STXBP4: variants seen among roughly 807,000 people sequenced by gnomAD.
STXBP4 encodes syntaxin binding protein 4, also known as syntaxin-binding protein 4.
STXBP4 carries 55 observed loss-of-function variants against 76.1 expected under a neutral mutation model. That is an observed-to-expected ratio of 0.72 (90% CI 0.58 to 0.91). STXBP4 has a LOEUF of 0.91. Among genes scored for constraint, STXBP4 ranks in the 40% least tolerant of loss-of-function variants. The pLI is 0.00. For missense variants in STXBP4, 618 were observed against 636.9 expected, an observed-to-expected ratio of 0.97 and a Z score of 0.32; for synonymous variants, 201 against 220.2, an observed-to-expected ratio of 0.91 and a Z score of 0.77.
chr17:55,108,870 T>A (rs2079672874), intron 16 of STXBP4, among the ~76,000 whole-genome samples: 2 of 152,198 alleles, frequency 1.3e-5, no homozygotes, highest in South Asian at 4.1e-4. Flanking sequence ...TTGCCAGCCA[T>A]CAGTTGTGAA....
chr17:54,980,145 C>T (rs1328630054), intron 1 of STXBP4, among the ~76,000 whole-genome samples: 1 of 151,892 alleles, frequency 6.6e-6, no homozygotes, highest in Non-Finnish European at 1.5e-5. Context: ...TCTTCCACTG[C>T]TTTATTAGTA....
rs192226243 is a variant in STXBP4 at position 54,996,864 on chromosome 17, A to G, written c.181-2481A>G. Among the ~76,000 whole-genome samples, 172 of 152,378 alleles carry G rather than the reference A, an allele frequency of 1.1e-3. 2 individuals are homozygous for G. Among genetic ancestry groups the G allele is most frequent in the Non-Finnish European group, 4.1e-4 (28 of 68,040 alleles). The stretch of plus-strand genomic sequence containing the variant: ...ATTGAAATGTATTATTTAGAAAACT[A>G]TATACCAAAGTCAATATAGAAATGA... On this transcript the variant is annotated intron_variant, in intron 4 of 17. Coordinates refer to ENST00000376352, the MANE Select transcript of STXBP4 (RefSeq NM_178509.6).
chr17:54,998,000 T>C (rs969029818), intron 4 of STXBP4, among the ~76,000 whole-genome samples: 3 of 152,176 alleles, frequency 2.0e-5, no homozygotes, highest in Non-Finnish European at 4.4e-5. Context: ...TTTTACACAC[T>C]ATTTGAGATA....
chr17:55,097,493 C>G (rs186977564), intron 16 of STXBP4, among the ~76,000 whole-genome samples: 381 of 152,230 alleles, frequency 2.5e-3, no homozygotes, highest in Non-Finnish European at 4.2e-3. Context: ...GAAACCCCGT[C>G]TCTACTAAAA....
intron 3 of STXBP4, among the ~76,000 whole-genome samples, chr17:54,987,780 A>T (rs1192053856): frequency 6.6e-6 from 1 of 152,148 alleles, no homozygotes; most frequent in Non-Finnish European, 1.5e-5. Context: ...TTACCAATTT[A>T]TCTCTTTAGA....
At chr17:54,983,153 A>T (rs2077574091) in intron 1 of STXBP4, among the ~76,000 whole-genome samples, 1 of 152,192 alleles carries the variant, frequency 6.6e-6, no homozygotes, top group Non-Finnish European at 1.5e-5. Context: ...ATCCCAGGTT[A>T]CGCAGCCTTT....
intron 7 of STXBP4, among the ~76,000 whole-genome samples, chr17:55,004,237 C>T (rs1405871680): frequency 3.3e-5 from 5 of 151,626 alleles, no homozygotes. Flanking sequence ...TTTAACTTTA[C>T]TAATAGCGCG....
Position 55,034,212 on chromosome 17 carries a change from G to A in STXBP4, c.808G>A (p.Glu270Lys). Residue 270 changes from glutamate to lysine, a missense_variant, in exon 10 of 18, where the codon GAA (glutamate) becomes AAA (lysine). Glu to Lys is a moderately conservative substitution (Grantham distance 56). Coordinates refer to ENST00000376352, the MANE Select transcript of STXBP4 (RefSeq NM_178509.6). ...AAACTTGTTTTGCTTGCAGTTGGAT[G>A]AAGTAAATGTTGGTGCACATGAAAT... is the stretch of plus-strand genomic sequence containing the variant. ...ARNLFCLQLD[E>K]VNVGAHEISN... 1 of 1,612,324 alleles carries A rather than the reference G, an allele frequency of 6.2e-7. No homozygotes were observed. The highest frequency in any genetic ancestry group is 8.5e-7 in the Non-Finnish European group (1 of 1,178,910).
At chr17:55,138,901 C>T (rs1488735905) in intron 16 of STXBP4, among the ~76,000 whole-genome samples, 2 of 151,964 alleles carry the variant, frequency 1.3e-5, no homozygotes, top group Non-Finnish European at 2.9e-5. Context: ...TGAACTATCA[C>T]TGAGAGATTA....
intron 4 of STXBP4, among the ~76,000 whole-genome samples, chr17:54,997,118 A>G (rs1305063382): frequency 2.0e-5 from 3 of 152,178 alleles, no homozygotes; most frequent in South Asian, 4.1e-4. Context: ...CTTCACATAT[A>G]CATTAATCCA....
At chr17:54,986,745 A>G (rs1470629446) in intron 3 of STXBP4, among the ~76,000 whole-genome samples, 1 of 152,220 alleles carries the variant, frequency 6.6e-6, no homozygotes, top group Non-Finnish European at 1.5e-5. Flanking sequence ...CCATTAAAAA[A>G]ATTTGATAAT....
the STXBP4 span, among the ~76,000 whole-genome samples, chr17:55,210,982 G>A: frequency 6.0e-3 from 915 of 152,206 alleles, 12 homozygotes; most frequent in Non-Finnish European, 7.3e-3. Context: ...AGAAGTAGCC[G>A]TTGTTTAAAT....
chr17:55,071,216 C>T (rs1360565864), intron 12 of STXBP4, among the ~76,000 whole-genome samples: 1 of 152,136 alleles, frequency 6.6e-6, no homozygotes, highest in Non-Finnish European at 1.5e-5. Context: ...GCCCAAAACC[C>T]TCCAATCATT....
At chr17:55,202,350 T>C in the STXBP4 span, among the ~76,000 whole-genome samples, 2 of 152,042 alleles carry the variant, frequency 1.3e-5, no homozygotes, top group African/African-American at 2.4e-5. Context: ...AAACAGGTAT[T>C]GAGTAGGACT....
chr17:55,070,983 T>G (rs1341778493), intron 12 of STXBP4, among the ~76,000 whole-genome samples: 1 of 152,172 alleles, frequency 6.6e-6, no homozygotes, highest in Non-Finnish European at 1.5e-5. Flanking sequence ...AAATAAATGC[T>G]ATTGATGAAC....
chr17:55,108,696 C>T (rs111316015), intron 16 of STXBP4, among the ~76,000 whole-genome samples: 9,700 of 152,146 alleles, frequency 0.064, 965 homozygotes, highest in African/African-American at 0.22. Context: ...CTGGGTAAGG[C>T]GACCACCCAC....
At chr17:55,190,824 GA>G in the STXBP4 span, among the ~76,000 whole-genome samples, 3 of 151,616 alleles carry the variant, frequency 2.0e-5, no homozygotes, top group Non-Finnish European at 4.4e-5. Context: ...GATGCCCTCA[GA>G]AAAAAAATAG....
chr17:55,185,242 T>TCTCCTTCTC, the STXBP4 span, among the ~76,000 whole-genome samples: 1 of 50,340 alleles, frequency 2.0e-5, no homozygotes, highest in Admixed American at 1.7e-4. Context: ...TTCTTCTTCT[T>TCTCCTTCTC]CTTCTTCTCC....
At chr17:55,069,168 A>T (rs535682192) in intron 12 of STXBP4, among the ~76,000 whole-genome samples, 39 of 152,126 alleles carry the variant, frequency 2.6e-4, no homozygotes, top group Non-Finnish European at 4.6e-4. Flanking sequence ...AAAAAAAAAA[A>T]AAAATAAGCT....
Sources: gnomAD v4.1 joint callset for allele counts (sites outside exome capture counted in the v4.1 genomes callset) on GRCh38, gnomAD v4.1.1 for gene constraint, MANE v1.5 for transcripts, NCBI Gene and HGNC (gene_info 2026-07-23, HGNC 2026-07-21) for gene names.